SRGAP1: variants seen among roughly 807,000 people sequenced by gnomAD.
SRGAP1 encodes the protein SLIT-ROBO Rho GTPase-activating protein 1.
A neutral mutation model predicts 121.9 loss-of-function variants in SRGAP1; 43 were observed. The ratio of observed to expected loss-of-function variants is 0.35; its 90% CI spans 0.28 to 0.46. The LOEUF (loss-of-function observed/expected upper bound fraction) is 0.46, where lower values mean the gene tolerates loss of function less well. Ranked by LOEUF, SRGAP1 falls within the 20% of genes least tolerant of loss-of-function variation. The probability of loss-of-function intolerance (pLI) is 1.00; values close to 1 mark genes in which losing one functional copy is unlikely to be tolerated. For synonymous variants in SRGAP1, 447 were observed against 485.4 expected, an observed-to-expected ratio of 0.92 and a Z score of 1.04; for missense variants, 1,102 against 1,350.9, an observed-to-expected ratio of 0.82 and a Z score of 2.89.
Position 64,080,210 on chromosome 12 carries a change from T to A in SRGAP1, c.1324-76T>A, listed in dbSNP as rs1295251827. 3 of 1,309,192 alleles carry A rather than the reference T, an allele frequency of 2.3e-6. No individual in the cohort carries two copies. In the Admixed American group the frequency reaches 6.9e-5, roughly 30 times the overall value. 81.1% of individuals were successfully genotyped at this position (1,309,192 alleles called of 1,614,324 possible). ...GTGAGCCAAGATCGCGCCACTGCAC[T>A]CCAGCCTGGGTGACAAGAATGAAAC... On this transcript the variant is annotated intron_variant, in intron 9 of 21. Transcript: ENST00000355086.
At chr12:63,850,402 A>G (rs1899037092) in intron 1 of SRGAP1, among the ~76,000 whole-genome samples, 1 of 150,016 alleles carries the variant, frequency 6.7e-6, no homozygotes, top group Non-Finnish European at 1.5e-5. Flanking sequence ...AGTCTGTTCT[A>G]GGTTTTAGAG....
chr12:64,007,037 G>T (rs1374385212), intron 3 of SRGAP1, among the ~76,000 whole-genome samples: 1 of 152,062 alleles, frequency 6.6e-6, no homozygotes, highest in Admixed American at 6.5e-5. Context: ...ACCAAACAGG[G>T]CAATCACAAG....
chr12:63,971,142 T>C (rs967149871), intron 1 of SRGAP1, among the ~76,000 whole-genome samples: 2 of 152,186 alleles, frequency 1.3e-5, no homozygotes, highest in Non-Finnish European at 1.5e-5. Context: ...GCTTTGCTGA[T>C]AGCTCCAGTG....
At chr12:63,975,975 G>T (rs2033081915) in intron 1 of SRGAP1, among the ~76,000 whole-genome samples, 1 of 152,154 alleles carries the variant, frequency 6.6e-6, no homozygotes, top group Non-Finnish European at 1.5e-5. Context: ...ATTTCATAAG[G>T]TGTCGGATGC....
At chr12:63,880,140 C>T (rs1900147047) in intron 1 of SRGAP1, among the ~76,000 whole-genome samples, 1 of 152,212 alleles carries the variant, frequency 6.6e-6, no homozygotes, top group Non-Finnish European at 1.5e-5. Context: ...ACTCTCTAGC[C>T]TGCTGCCATG....
At chr12:64,065,062 C>A (rs1276393488) in intron 7 of SRGAP1, 56 bp from the exon 8 acceptor site, 2 of 1,292,578 alleles carry the variant, frequency 1.5e-6, no homozygotes, top group Admixed American at 2.1e-5. Flanking sequence ...CAGAGCCGTG[C>A]TTCTGGAGGT....
intron 3 of SRGAP1, among the ~76,000 whole-genome samples, chr12:64,003,046 GAGAGAA>G (rs1437688794): frequency 3.2e-5 from 4 of 125,470 alleles, no homozygotes; most frequent in African/African-American, 1.2e-4. Flanking sequence ...GAGAGAGAGA[GAGAGAA>G]AGAGAGAAAG....
At chr12:64,108,889 T>C in intron 15 of SRGAP1, 43 bp from the exon 16 acceptor site, 1 of 1,447,134 alleles carries the variant, frequency 6.9e-7, no homozygotes, top group Non-Finnish European at 9.6e-7. Flanking sequence ...GTTTTAAATG[T>C]GGCAAGTGAA....
At chr12:64,052,729 T>A (rs996252800) in intron 6 of SRGAP1, among the ~76,000 whole-genome samples, 12 of 152,014 alleles carry the variant, frequency 7.9e-5, no homozygotes, top group African/African-American at 2.9e-4. Context: ...AATATTATGA[T>A]TTATCTTTTT....
chr12:64,053,742 A>T (rs2035283992), intron 6 of SRGAP1, among the ~76,000 whole-genome samples: 1 of 152,170 alleles, frequency 6.6e-6, no homozygotes, highest in Admixed American at 6.6e-5. Flanking sequence ...AGTGATAATT[A>T]TTATCCCCAA....
chr12:63,977,798 A>G (rs1332619029), intron 1 of SRGAP1, among the ~76,000 whole-genome samples: 1 of 152,104 alleles, frequency 6.6e-6, no homozygotes, highest in African/African-American at 2.4e-5. Context: ...AAATGAAATA[A>G]TAGTCATTTA....
At chr12:64,019,501 G>T (rs2034493465) in intron 4 of SRGAP1, among the ~76,000 whole-genome samples, 1 of 152,126 alleles carries the variant, frequency 6.6e-6, no homozygotes. Context: ...ACTTTAATCA[G>T]AGAGCATGCT....
intron 14 of SRGAP1, among the ~76,000 whole-genome samples, chr12:64,096,534 A>C (rs789732): frequency 6.6e-6 from 1 of 152,176 alleles, no homozygotes; most frequent in Non-Finnish European, 1.5e-5. Flanking sequence ...AGTTCTCAGA[A>C]AGAAACGCTC....
Position 64,115,796 on chromosome 12 carries a change from T to C in SRGAP1, c.2145-18T>C. The stretch of plus-strand genomic sequence containing the variant: ...TGTCTATTTTAATTTCATATGAATT[T>C]CCATTTGTATTCTACAGCGACAGCC... On this transcript the variant is annotated intron_variant, in intron 17 of 21. Transcript: ENST00000355086. 8.1e-6 allele frequency: 13 copies of C among 1,607,008 alleles called. No homozygotes were observed. The highest frequency in any genetic ancestry group is 1.1e-5 in the Non-Finnish European group (13 of 1,176,192).
chr12:64,093,792 C>T lies in SRGAP1; in HGVS notation c.1540-1140C>T, dbSNP rs527564433. Among the ~76,000 whole-genome samples, 167 of 152,258 alleles carry T rather than the reference C, an allele frequency of 1.1e-3. 1 individual carries two copies. Among genetic ancestry groups the T allele is most frequent in the African/African-American group, 3.9e-3 (162 of 41,560 alleles). ...TCTCCAGAAGTAATTGAGCCATTAA[C>T]TGGTTTATACACTGATTAGATTGTG... On this transcript the variant is annotated intron_variant, in intron 12 of 21. Coordinates refer to ENST00000355086, the MANE Select transcript of SRGAP1 (RefSeq NM_020762.4).
intron 1 of SRGAP1, among the ~76,000 whole-genome samples, chr12:63,948,475 G>C (rs1343236842): frequency 6.6e-6 from 1 of 152,156 alleles, no homozygotes; most frequent in African/African-American, 2.4e-5. Context: ...AGTCATCTCT[G>C]TCTTGGGATA....
chr12:63,856,100 A>G (rs1899238911), intron 1 of SRGAP1, among the ~76,000 whole-genome samples: 1 of 152,062 alleles, frequency 6.6e-6, no homozygotes, highest in South Asian at 2.1e-4. Flanking sequence ...TCTACTAAAA[A>G]TACAAAAATT....
chr12:63,866,610 A>T (rs1899641379), intron 1 of SRGAP1, among the ~76,000 whole-genome samples: 1 of 152,192 alleles, frequency 6.6e-6, no homozygotes, highest in Non-Finnish European at 1.5e-5. Flanking sequence ...CACTTGTACC[A>T]GTTGAATACA....
At chr12:64,123,039 A>G (rs567187783) in intron 18 of SRGAP1, among the ~76,000 whole-genome samples, 1 of 152,388 alleles carries the variant, frequency 6.6e-6, no homozygotes, top group East Asian at 1.9e-4. Flanking sequence ...ATGTCATTAA[A>G]GAATATTAAT....
Sources: allele counts gnomAD v4.1 joint callset (sites outside exome capture counted in the v4.1 genomes callset), GRCh38; gene constraint gnomAD v4.1.1; transcripts MANE v1.5; gene names NCBI Gene and HGNC (gene_info 2026-07-23, HGNC 2026-07-21).